RBMS3: variants seen among roughly 807,000 people sequenced by gnomAD.
RBMS3 encodes RNA-binding motif, single-stranded-interacting protein 3.
RBMS3 carries 27 observed loss-of-function variants against 66.8 expected under a neutral mutation model. The ratio of observed to expected loss-of-function variants is 0.40; its 90% CI spans 0.30 to 0.56. The LOEUF is 0.56. RBMS3 is among the 20% of genes least tolerant of loss of function. The pLI is 0.40. For synonymous variants in RBMS3, 188 were observed against 183.0 expected (o/e 1.03, Z -0.22); for missense variants, 513 against 549.5 (o/e 0.93, Z 0.66).
chr3:29,502,264 T>A (rs1169163220), intron 3 of RBMS3, among the ~76,000 whole-genome samples: 3 of 152,060 alleles, frequency 2.0e-5, no homozygotes, highest in African/African-American at 7.2e-5. Flanking sequence ...TATTCGCATT[T>A]TACTCATGAG....
At chr3:29,639,451 C>T (rs2049605309) in intron 4 of RBMS3, among the ~76,000 whole-genome samples, 1 of 151,838 alleles carries the variant, frequency 6.6e-6, no homozygotes, top group Non-Finnish European at 1.5e-5. Flanking sequence ...AAACATCACA[C>T]TAATACATCT....
chr3:29,642,036 C>A lies in RBMS3; in HGVS notation c.399+54831C>A, dbSNP rs534743181. On this transcript the variant is annotated intron_variant, in intron 4 of 14. Coordinates refer to ENST00000383767, the MANE Select transcript of RBMS3 (RefSeq NM_001003793.3). ...ATTTTATGAAGAGATACATAGAACTCCAGTTCCACTTGTTAAAAGCAATAA... is the reference window on the plus strand; with the variant it reads ...ATTTTATGAAGAGATACATAGAACTACAGTTCCACTTGTTAAAAGCAATAA... Among the ~76,000 whole-genome samples the A allele has an allele frequency of 1.6e-4, 24 of 152,226 alleles. 1 individual carries two copies. In the South Asian group the frequency reaches 5.0e-3, roughly 32 times the overall value.
At chr3:29,463,028 C>T (rs1248215177) in intron 2 of RBMS3, among the ~76,000 whole-genome samples, 1 of 152,120 alleles carries the variant, frequency 6.6e-6, no homozygotes, top group Non-Finnish European at 1.5e-5. Flanking sequence ...GGGAAAGGCA[C>T]ATGAACTACT....
At chr3:29,518,316 A>G (rs2148968373) in intron 3 of RBMS3, among the ~76,000 whole-genome samples, 1 of 152,308 alleles carries the variant, frequency 6.6e-6, no homozygotes, top group South Asian at 2.1e-4. Context: ...AAACTTATAG[A>G]TAGAACAGTT....
intron 1 of RBMS3, among the ~76,000 whole-genome samples, chr3:29,342,818 C>A (rs2125540781): frequency 6.6e-6 from 1 of 152,148 alleles, no homozygotes; most frequent in Non-Finnish European, 1.5e-5. Context: ...GAGGAAGATC[C>A]TCCAGCCCCT....
intron 4 of RBMS3, among the ~76,000 whole-genome samples, chr3:29,595,633 G>T (rs2047920226): frequency 6.6e-6 from 1 of 152,102 alleles, no homozygotes; most frequent in Admixed American, 6.5e-5. Context: ...TGTCCATGGG[G>T]TGTGCCTAAC....
At chr3:29,544,596 T>A (rs2045878796) in intron 3 of RBMS3, among the ~76,000 whole-genome samples, 1 of 152,136 alleles carries the variant, frequency 6.6e-6, no homozygotes, top group Non-Finnish European at 1.5e-5. Context: ...AAGGTGAGGC[T>A]AAGTCTTCAT....
chr3:29,595,147 C>G (rs2047899670), intron 4 of RBMS3, among the ~76,000 whole-genome samples: 2 of 151,956 alleles, frequency 1.3e-5, no homozygotes, highest in African/African-American at 4.8e-5. Flanking sequence ...GCCTGTAATC[C>G]CAGCACTTTG....
rs748681877 is a variant in RBMS3, at chr3:30,009,034, G to T, written c.*5172G>T. On this transcript the variant is annotated 3_prime_UTR_variant, in exon 15 of 15. Coordinates refer to ENST00000383767, the MANE Select transcript of RBMS3 (RefSeq NM_001003793.3). ...TCAATATTCATTTCTGTTTATTTTT[G>T]TGAGGGAAAATAATATATCAAGAAA... 6.6e-6 allele frequency: 1 copy of T among 152,032 alleles called. No individual in the cohort carries two copies. The highest frequency in any genetic ancestry group is 2.4e-5 in the African/African-American group (1 of 41,388). 9.4% of individuals were successfully genotyped at this position (152,032 alleles called of 1,614,324 possible). A position where few individuals can be genotyped will look rare whatever the true frequency, so the allele number is the denominator to read the frequency against.
At chr3:29,499,383 AAAAAC>A (rs1159059486) in intron 3 of RBMS3, among the ~76,000 whole-genome samples, 3 of 152,120 alleles carry the variant, frequency 2.0e-5, no homozygotes, top group African/African-American at 4.8e-5. Flanking sequence ...TACATAGCTG[AAAAAC>A]AAAACAAAAC....
intron 1 of RBMS3, among the ~76,000 whole-genome samples, chr3:29,350,263 T>C: frequency 6.6e-6 from 1 of 152,184 alleles, no homozygotes; most frequent in East Asian, 1.9e-4. Context: ...AATTAAGGGA[T>C]GACTGTTCCT....
chr3:30,003,953 A>T lies in RBMS3; in HGVS notation c.*91A>T. On this transcript the variant is annotated 3_prime_UTR_variant, in exon 15 of 15. Transcript: ENST00000383767. Reference sequence around the variant, plus strand: ...TGGCTTCCAGTTTGCACAGACGTCAATGGAATGCATTTTTTTGTTGTTGTT... The same window carrying T: ...TGGCTTCCAGTTTGCACAGACGTCATTGGAATGCATTTTTTTGTTGTTGTT... 9.1e-7 allele frequency: 1 copy of T among 1,093,606 alleles called. No individual in the cohort carries two copies. Among genetic ancestry groups the T allele is most frequent in the Non-Finnish European group, 1.2e-6 (1 of 804,868 alleles). The allele number at this position is 1,093,606 out of a possible 1,614,324, so 67.7% of individuals were successfully genotyped here. A position where few individuals can be genotyped will look rare whatever the true frequency, so the allele number is the denominator to read the frequency against.
intron 6 of RBMS3, among the ~76,000 whole-genome samples, chr3:29,858,988 A>C (rs2059146973): frequency 6.6e-6 from 1 of 152,214 alleles, no homozygotes; most frequent in African/African-American, 2.4e-5. Flanking sequence ...TTCACATAGC[A>C]CAGAATTATA....
chr3:29,949,877 T>A (rs572280250), intron 12 of RBMS3, among the ~76,000 whole-genome samples: 6 of 151,822 alleles, frequency 4.0e-5, no homozygotes, highest in Non-Finnish European at 7.4e-5. Flanking sequence ...TTTAGAATCC[T>A]ATACTTTTAG....
chr3:29,957,367 G>T (rs552290079), intron 12 of RBMS3, among the ~76,000 whole-genome samples: 1 of 152,190 alleles, frequency 6.6e-6, no homozygotes, highest in South Asian at 2.1e-4. Flanking sequence ...ATGTAAAAAT[G>T]CTGATTCGTT....
At chr3:29,701,970 G>A (rs56280911) in intron 4 of RBMS3, among the ~76,000 whole-genome samples, 12,672 of 152,230 alleles carry the variant, frequency 0.083, 1,733 homozygotes, top group African/African-American at 0.29. Flanking sequence ...CGGCCGTGGC[G>A]CGGGATCCAC....
At chr3:29,925,619 A>G (rs919143011) in intron 10 of RBMS3, among the ~76,000 whole-genome samples, 1 of 152,318 alleles carries the variant, frequency 6.6e-6, no homozygotes, top group African/African-American at 2.4e-5. Context: ...AATGATTGAG[A>G]GTCAAACCAA....
At chr3:29,360,140 G>A (rs1375614653) in intron 1 of RBMS3, among the ~76,000 whole-genome samples, 5 of 152,012 alleles carry the variant, frequency 3.3e-5, no homozygotes, top group Admixed American at 6.5e-5. Context: ...TGTGATGTTA[G>A]GGTGTCAATT....
At chr3:29,959,814 T>C (rs1452270768) in intron 12 of RBMS3, among the ~76,000 whole-genome samples, 2 of 151,888 alleles carry the variant, frequency 1.3e-5, no homozygotes, top group Non-Finnish European at 2.9e-5. Context: ...AACCATCAGA[T>C]CTCCTGAGAA....
Sources: allele counts gnomAD v4.1 joint callset (sites outside exome capture counted in the v4.1 genomes callset), GRCh38; gene constraint gnomAD v4.1.1; transcripts MANE v1.5; gene names NCBI Gene and HGNC (gene_info 2026-07-23, HGNC 2026-07-21).